Variants in SLC14A2 observed in about 807,000 individuals in gnomAD.
SLC14A2 encodes the protein urea transporter 2.
In SLC14A2, 91 loss-of-function variants were observed where a neutral mutation model predicts 104.6. The observed-to-expected ratio is 0.87, with a 90% CI of 0.73 to 1.04. The LOEUF (loss-of-function observed/expected upper bound fraction) is 1.04. Among genes scored for constraint, SLC14A2 ranks in the 50% least tolerant of loss-of-function variants. The pLI is 0.00. For synonymous variants in SLC14A2, 476 were observed against 466.4 expected (o/e 1.02, Z -0.27); for missense variants, 1,189 against 1,156.0 (o/e 1.03, Z -0.41).
intron 2 of SLC14A2, among the ~76,000 whole-genome samples, chr18:45,507,617 G>C (rs1205290764): frequency 6.6e-6 from 1 of 152,202 alleles, no homozygotes; most frequent in Non-Finnish European, 1.5e-5. Context: ...TGATGGTGGA[G>C]GCAGCCTATT....
Position 45,663,851 on chromosome 18 carries a change from C to A in SLC14A2, c.1418C>A (p.Ser473Tyr). 1 of 1,613,128 alleles carries A rather than the reference C, an allele frequency of 6.2e-7. No homozygotes were observed. Among genetic ancestry groups the A allele is most frequent in the Non-Finnish European group, 8.5e-7 (1 of 1,179,622 alleles). ...KVEEGSEAVLSKHRSVFHIEW... is the reference protein window; with the variant it reads ...KVEEGSEAVLYKHRSVFHIEW... ...GAGGAGGGCTCGGAGGCTGTGCTCT[C>A]CAAGCACAGGAGTGTATTTCACATC... is the stretch of plus-strand genomic sequence containing the variant. The change falls in exon 11 of 20, where the codon TCC (serine) becomes TAC (tyrosine). Residue 473 changes from serine to tyrosine, a missense_variant. Coordinates refer to ENST00000255226, the MANE Select transcript of SLC14A2 (RefSeq NM_007163.4).
chr18:45,252,792 C>CTTTT (rs745363624), intron 1 of SLC14A2, among the ~76,000 whole-genome samples: 11,654 of 126,684 alleles, frequency 0.092, 742 homozygotes, highest in African/African-American at 0.14. Flanking sequence ...GCAATATTGA[C>CTTTT]TTTTTTTTTT....
Position 45,379,315 on chromosome 18 carries a change from T to C in SLC14A2, c.-124-103918T>C, listed in dbSNP as rs75279214. Among the ~76,000 whole-genome samples, 357 of 152,346 alleles carry C rather than the reference T, an allele frequency of 2.3e-3. 1 individual carries two copies. Among genetic ancestry groups the C allele is most frequent in the Non-Finnish European group, 3.3e-3 (224 of 68,032 alleles). On this transcript the variant is annotated intron_variant, in intron 1 of 20. Coordinates refer to the SLC14A2 transcript ENST00000586448. ...TATTGGGCCAAAAGCTGGCTTCTTA[T>C]AAATTCCGCCCACTGGTCCTAATTC... is the stretch of plus-strand genomic sequence containing the variant.
chr18:45,335,778 C>T (rs776192988), intron 1 of SLC14A2, among the ~76,000 whole-genome samples: 2 of 152,176 alleles, frequency 1.3e-5, no homozygotes, highest in Non-Finnish European at 2.9e-5. Flanking sequence ...CAAGGTTTTA[C>T]TGCATTTTAC....
intron 2 of SLC14A2, among the ~76,000 whole-genome samples, chr18:45,499,246 A>C (rs1229274242): frequency 8.5e-5 from 13 of 152,220 alleles, no homozygotes; most frequent in Admixed American, 4.6e-4. Flanking sequence ...ACATACACAC[A>C]TATGTATATA....
intron 1 of SLC14A2, among the ~76,000 whole-genome samples, chr18:45,458,470 C>T (rs2542989): frequency 0.83 from 126,798 of 152,098 alleles, 52,865 homozygotes; most frequent in South Asian, 0.93. Flanking sequence ...TCTTTCCTTC[C>T]GGCTGTGTGG....
At chr18:45,635,960 A>G (rs376223543) in intron 5 of SLC14A2, among the ~76,000 whole-genome samples, 1 of 152,226 alleles carries the variant, frequency 6.6e-6, no homozygotes, top group Non-Finnish European at 1.5e-5. Context: ...GAAAGCAGAC[A>G]GGGTGTGGAT....
rs188992614 is a variant in SLC14A2, at chr18:45,490,105, G to A, written c.-35+6783G>A. 2.0e-4 allele frequency among the ~76,000 whole-genome samples: 30 copies of A among 152,252 alleles called. No homozygotes were observed. The East Asian group carries it at 5.6e-3, about 28-fold the overall frequency. On this transcript the variant is annotated intron_variant, in intron 2 of 20. Coordinates refer to the SLC14A2 transcript ENST00000586448. ...ATGTGTCGAATGAGGTAGGAGGGAA[G>A]CATTTTATTAAAAGATTAATCAAAA... is the stretch of plus-strand genomic sequence containing the variant.
intron 1 of SLC14A2, among the ~76,000 whole-genome samples, chr18:45,304,740 C>A (rs1438193743): frequency 6.6e-6 from 1 of 152,160 alleles, no homozygotes. Context: ...CACAGTCCTA[C>A]CCCAGGGACC....
chr18:45,442,879 C>T (rs1166292533), intron 1 of SLC14A2, among the ~76,000 whole-genome samples: 1 of 152,170 alleles, frequency 6.6e-6, no homozygotes, highest in Non-Finnish European at 1.5e-5. Context: ...TATACATCAA[C>T]CATATTGTCT....
intron 2 of SLC14A2, among the ~76,000 whole-genome samples, chr18:45,569,662 A>G (rs1429473640): frequency 6.6e-6 from 1 of 152,200 alleles, no homozygotes; most frequent in African/African-American, 2.4e-5. Flanking sequence ...GTGACAGTGG[A>G]CCTGATTTAC....
intron 2 of SLC14A2, among the ~76,000 whole-genome samples, chr18:45,553,868 T>C (rs905300254): frequency 2.0e-5 from 3 of 152,124 alleles, no homozygotes; most frequent in Admixed American, 6.5e-5. Flanking sequence ...GGACCCTGCC[T>C]ATAACACGCT....
intron 1 of SLC14A2, among the ~76,000 whole-genome samples, chr18:45,432,068 C>T (rs2086525605): frequency 6.6e-6 from 1 of 152,102 alleles, no homozygotes; most frequent in Non-Finnish European, 1.5e-5. Flanking sequence ...AATATCATTC[C>T]CCCAGCAAGA....
At chr18:45,654,856 TC>T (rs1226852448) in intron 10 of SLC14A2, among the ~76,000 whole-genome samples, 1 of 152,180 alleles carries the variant, frequency 6.6e-6, no homozygotes, top group Non-Finnish European at 1.5e-5. Context: ...TTATTTGTCA[TC>T]CTTTCCATGA....
At chr18:45,497,660 A>G (rs2043123701) in intron 2 of SLC14A2, among the ~76,000 whole-genome samples, 2 of 152,162 alleles carry the variant, frequency 1.3e-5, no homozygotes. Context: ...CACATTAGAG[A>G]CAAAGAACAA....
chr18:45,484,552 C>A (rs949096786), intron 2 of SLC14A2, among the ~76,000 whole-genome samples: 1 of 152,200 alleles, frequency 6.6e-6, no homozygotes, highest in Non-Finnish European at 1.5e-5. Context: ...GGAGGAACTT[C>A]TAATGCCAGC....
intron 1 of SLC14A2, among the ~76,000 whole-genome samples, chr18:45,235,899 G>GTGTGTATA (rs1555666321): frequency 4.8e-5 from 3 of 62,914 alleles, no homozygotes; most frequent in Admixed American, 1.7e-4. Flanking sequence ...ATGTGTGTAT[G>GTGTGTATA]TATGTATATA....
intron 1 of SLC14A2, among the ~76,000 whole-genome samples, chr18:45,335,405 A>G (rs1355126988): frequency 2.6e-5 from 4 of 152,200 alleles, no homozygotes; most frequent in African/African-American, 7.2e-5. Flanking sequence ...GAGGACATCT[A>G]TTGAAGGTAG....
In SLC14A2 at chr18:45,311,776, G is replaced by A. The variant is rs747983148; in HGVS notation, c.-125+98585G>A. ...TTGAGTAGTTGAGAAAGGGGGTGTT[G>A]GAACCAAAGTAGTGATTTAGGAGGA... On this transcript the variant is annotated intron_variant, in intron 1 of 20. Transcript: ENST00000586448. 1.7e-4 allele frequency among the ~76,000 whole-genome samples: 26 copies of A among 152,190 alleles called. 1 individual carries two copies. The highest frequency in any genetic ancestry group is 3.4e-4 in the Non-Finnish European group (23 of 68,032).
Sources: gnomAD v4.1 joint callset for allele counts (sites outside exome capture counted in the v4.1 genomes callset) on GRCh38, gnomAD v4.1.1 for gene constraint, MANE v1.5 for transcripts, NCBI Gene and HGNC (gene_info 2026-07-23, HGNC 2026-07-21) for gene names.